The following DOCK3 variants were observed in gnomAD, a reference collection of about 807,000 sequenced individuals.
DOCK3 encodes the protein dedicator of cytokinesis protein 3.
Under a neutral mutation model 265.6 loss-of-function variants are expected in DOCK3, and 60 were observed. That is an observed-to-expected ratio of 0.23 (90% confidence interval 0.18 to 0.28). The LOEUF (loss-of-function observed/expected upper bound fraction) is 0.28. Among genes scored for constraint, DOCK3 ranks in the 10% least tolerant of loss-of-function variants. The pLI is 1.00. For missense variants in DOCK3, 1,981 were observed against 2,594.3 expected, an observed-to-expected ratio of 0.76 and a Z score of 5.14; for synonymous variants, 881 against 938.0, an observed-to-expected ratio of 0.94 and a Z score of 1.11.
chr3:51,348,908 C>G lies in DOCK3; in HGVS notation c.3972C>G (p.Leu1324=). The part of the protein sequence containing the change: ...CRELACQYES[L]YDYQSLSWIR... ...AGCTGGCGTGTCAGTACGAGAGCCT[C>G]TATGATTACCAGAGCCTCAGCTGGA... The change falls in exon 39 of 53, where the codon CTC becomes CTG. Residue 1324 remains leucine (L), a synonymous_variant. Transcript: ENST00000266037. 6.3e-7 allele frequency: 1 copy of G among 1,582,054 alleles called. No homozygotes were observed. Among genetic ancestry groups the G allele is most frequent in the Non-Finnish European group, 8.6e-7 (1 of 1,163,832 alleles).
chr3:51,002,209 A>G (rs1045851276), intron 5 of DOCK3, among the ~76,000 whole-genome samples: 1 of 152,000 alleles, frequency 6.6e-6, no homozygotes, highest in Non-Finnish European at 1.5e-5. Context: ...TTGGCTTCCC[A>G]AAGTGCTGAG....
chr3:51,090,480 G>A, intron 9 of DOCK3, 96 bp downstream of exon 9: 1 of 1,297,306 alleles, frequency 7.7e-7, no homozygotes, highest in Non-Finnish European at 1.0e-6. Flanking sequence ...CACAGAAGAG[G>A]CAAAACAAGA....
At chr3:50,873,113 G>A (rs760591397) in intron 3 of DOCK3, among the ~76,000 whole-genome samples, 2 of 152,126 alleles carry the variant, frequency 1.3e-5, no homozygotes, top group South Asian at 2.1e-4. Context: ...AGGCTTGCCC[G>A]GTAGCCAACA....
rs1425099854 is a variant in DOCK3, at chr3:51,250,309, A to C, written c.2184+3502A>C. Among the ~76,000 whole-genome samples the C allele has an allele frequency of 1.6e-3, 244 of 151,764 alleles. 1 individual carries two copies. Among genetic ancestry groups the C allele is most frequent in the South Asian group, 0.015 (70 of 4,798 alleles). The stretch of plus-strand genomic sequence containing the variant: ...AAATTAAAAAAAATAATAAAAAATA[A>C]AAAACAAAACAAAACAAAACAAAAC... On this transcript the variant is annotated intron_variant, in intron 22 of 52. Transcript: ENST00000266037.
intron 9 of DOCK3, 138 bp downstream of exon 9, chr3:51,090,522 T>A (rs2082598986): frequency 1.1e-6 from 1 of 934,558 alleles, no homozygotes; most frequent in Non-Finnish European, 1.5e-6. Context: ...GCTAGGAGTT[T>A]TGGCCCCAAT....
At chr3:51,319,143 A>G (rs1434538054) in intron 32 of DOCK3, among the ~76,000 whole-genome samples, 1 of 152,162 alleles carries the variant, frequency 6.6e-6, no homozygotes, top group Non-Finnish European at 1.5e-5. Flanking sequence ...CCAGTGTTTT[A>G]CCAGTGAATA....
At chr3:50,845,558 G>A (rs2046040325) in intron 3 of DOCK3, among the ~76,000 whole-genome samples, 1 of 152,114 alleles carries the variant, frequency 6.6e-6, no homozygotes, top group Non-Finnish European at 1.5e-5. Context: ...TGGATGGTAA[G>A]GCAGGAAAGG....
intron 5 of DOCK3, among the ~76,000 whole-genome samples, chr3:51,038,108 TCA>T (rs2080341389): frequency 6.6e-6 from 1 of 152,314 alleles, no homozygotes; most frequent in East Asian, 1.9e-4. Flanking sequence ...GTGGATAGAA[TCA>T]CAGAGTCAAA....
chr3:51,366,871 TTTTC>T (rs1401945886), intron 49 of DOCK3, among the ~76,000 whole-genome samples: 1 of 152,258 alleles, frequency 6.6e-6, no homozygotes, highest in East Asian at 1.9e-4. Flanking sequence ...TTATAATTTC[TTTTC>T]TTTTACATTT....
At chr3:51,094,811 T>C (rs905641931) in intron 9 of DOCK3, among the ~76,000 whole-genome samples, 2 of 151,808 alleles carry the variant, frequency 1.3e-5, no homozygotes, top group African/African-American at 4.8e-5. Context: ...TAAGTCTCTT[T>C]GTAGGTCTCT....
intron 23 of DOCK3, 110 bp downstream of exon 23, chr3:51,260,436 T>C: frequency 1.6e-6 from 2 of 1,257,070 alleles, no homozygotes; most frequent in South Asian, 3.4e-5. Context: ...TCATGTGTGT[T>C]GGGTAAGGGA....
At chr3:51,227,838 T>C in intron 16 of DOCK3, 144 bp from the exon 17 acceptor site, 1 of 806,032 alleles carries the variant, frequency 1.2e-6, no homozygotes, top group Non-Finnish European at 2.0e-6. Flanking sequence ...TCAGCACATT[T>C]CTCATCATTC....
chr3:51,194,343 T>G (rs960896716), intron 12 of DOCK3, among the ~76,000 whole-genome samples: 1 of 152,186 alleles, frequency 6.6e-6, no homozygotes, highest in African/African-American at 2.4e-5. Context: ...TACTGGAGAA[T>G]GTTCTTTGTG....
At chr3:51,047,416 TAAATAA>T (rs1372478751) in intron 5 of DOCK3, among the ~76,000 whole-genome samples, 2 of 150,564 alleles carry the variant, frequency 1.3e-5, no homozygotes, top group Non-Finnish European at 3.0e-5. Context: ...AAAAAATATA[TAAATAA>T]AAATAAAAAT....
chr3:51,065,331 T>C (rs2081554151), intron 6 of DOCK3, among the ~76,000 whole-genome samples: 1 of 152,206 alleles, frequency 6.6e-6, no homozygotes, highest in African/African-American at 2.4e-5. Context: ...TATATTTATA[T>C]GTGTGTCTTT....
chr3:51,260,208 G>A lies in DOCK3; in HGVS notation c.2237G>A (p.Arg746Gln), dbSNP rs1326141503. The A allele has an allele frequency of 6.8e-6, 11 of 1,613,804 alleles. No individual in the cohort carries two copies. Among genetic ancestry groups the A allele is most frequent in the African/African-American group, 2.7e-5 (2 of 74,992 alleles). Residue 746 changes from arginine to glutamine, a missense_variant, in exon 23 of 53, where the codon CGA becomes CAA. Physicochemically the swap from Arg to Gln is conservative, Grantham distance 43. Around this residue, in one of 4 missense-constraint regions of DOCK3, gnomAD observed 1,357 missense variants for 1,866.8 expected, o/e 0.73. Transcript: ENST00000266037. The part of the protein sequence containing the change: ...FIVQSRILYS[R>Q]ATCGMEEEQF... ...GTACAGTCACGGATCCTGTACTCAC[G>A]AGCCACTTGTGGAATGGAAGAGGAA... is the stretch of plus-strand genomic sequence containing the variant.
chr3:51,380,189 T>G lies in DOCK3; in HGVS notation c.5565T>G (p.Pro1855=), dbSNP rs2088509366. The change falls in exon 52 of 53, where the codon CCT becomes CCG. Residue 1855 remains proline, a synonymous_variant. Transcript: ENST00000266037. ...TGGGTGATACCCCCCCAGCCCTCCC[T>G]GCCCGGACCCTGCGCAAGGTAATGT... The part of the protein sequence containing the change: ...HPLGDTPPAL[P]ARTLRKSPLH... 2.1e-6 allele frequency: 2 copies of G among 940,832 alleles called. No homozygotes were observed. The highest frequency in any genetic ancestry group is 3.2e-6 in the Non-Finnish European group (2 of 622,392). The allele number at this position is 940,832 out of a possible 1,614,324, so 58.3% of individuals were successfully genotyped here.
chr3:51,190,993 A>G, intron 12 of DOCK3, among the ~76,000 whole-genome samples: 1 of 152,126 alleles, frequency 6.6e-6, no homozygotes, highest in Non-Finnish European at 1.5e-5. Context: ...AAGGAATGGA[A>G]AGTAGTAGGT....
At position 50,778,768 on chromosome 3, in the gene DOCK3, G is replaced by C; in HGVS notation, c.121+10G>C. On this transcript the variant is annotated intron_variant, in intron 2 of 52. Coordinates refer to ENST00000266037, the MANE Select transcript of DOCK3 (RefSeq NM_004947.5). ...CTTGAAAAATGTGAAGGTGAGTATG[G>C]ACCTACAAAGCACATAAATTGTGAT... 3 of 1,546,016 alleles carry C rather than the reference G, an allele frequency of 1.9e-6. No individual in the cohort carries two copies. The highest frequency in any genetic ancestry group is 2.6e-6 in the Non-Finnish European group (3 of 1,136,696).
Sources: allele counts gnomAD v4.1 joint callset (sites outside exome capture counted in the v4.1 genomes callset), GRCh38; gene constraint gnomAD v4.1.1; regional missense constraint gnomAD v4.1.1; transcripts MANE v1.5; gene names NCBI Gene and HGNC (gene_info 2026-07-23, HGNC 2026-07-21).